The following GDAP1 variants were observed in gnomAD, a reference collection of about 807,000 sequenced individuals.
GDAP1 encodes ganglioside-induced differentiation-associated protein 1.
A neutral mutation model predicts 40.1 loss-of-function variants in GDAP1; 34 were observed. The observed-to-expected ratio is 0.85, with a 90% CI of 0.64 to 1.13. The LOEUF (loss-of-function observed/expected upper bound fraction) is 1.13, where lower values mean the gene tolerates loss of function less well. GDAP1 is among the 50% of genes most tolerant of loss of function. The pLI, the probability that GDAP1 is intolerant of heterozygous loss-of-function variation, is 0.00. For missense variants in GDAP1, 374 were observed against 433.7 expected (o/e 0.86, Z 1.22); for synonymous variants, 170 against 157.4 (o/e 1.08, Z -0.60).
Position 74,364,222 on chromosome 8 carries a change from TG to T in GDAP1, c.934del (p.Ala312ProfsTer36). 1 of 1,614,204 alleles carries T rather than the reference TG, an allele frequency of 6.2e-7. No individual in the cohort carries two copies. Among genetic ancestry groups the T allele is most frequent in the Middle Eastern group, 1.6e-4 (1 of 6,062 alleles). On this transcript the variant is annotated frameshift_variant, in exon 6 of 6. Transcript: ENST00000220822. LOFTEE classifies it high-confidence loss of function. Reference sequence around the variant, plus strand: ...GCAGTGCTGCCAACAGCATTCCGGGTGGCCAAGAAAAGGGCCCCAAAAGTTC... The same window carrying T: ...GCAGTGCTGCCAACAGCATTCCGGGTGCCAAGAAAAGGGCCCCAAAAGTTC... ...ISAVLPTAFRVAKKRAPKVLG... is the reference protein window; with the variant it reads ...ISAVLPTAFRXAKKRAPKVLG...
chr8:74,417,632 C>T (rs1805799889), intron 2 of GDAP1, among the ~76,000 whole-genome samples: 3 of 149,330 alleles, frequency 2.0e-5, no homozygotes. Flanking sequence ...TGGCACACAC[C>T]TGTAAGCCCA....
At chr8:74,483,496 T>G (rs1230741553) in intron 2 of GDAP1, among the ~76,000 whole-genome samples, 1 of 152,088 alleles carries the variant, frequency 6.6e-6, no homozygotes, top group Non-Finnish European at 1.5e-5. Flanking sequence ...TCCTCCTTAT[T>G]AAAGGGTACT....
intron 2 of GDAP1, among the ~76,000 whole-genome samples, chr8:74,440,164 A>G (rs1347363109): frequency 6.6e-6 from 1 of 152,154 alleles, no homozygotes; most frequent in Non-Finnish European, 1.5e-5. Flanking sequence ...CCACTAGAGA[A>G]ATTTTGCATT....
intron 2 of GDAP1, among the ~76,000 whole-genome samples, chr8:74,465,901 T>G (rs1459184643): frequency 1.3e-5 from 2 of 152,200 alleles, no homozygotes; most frequent in Non-Finnish European, 2.9e-5. Flanking sequence ...ACTTGGTATT[T>G]ATTTGTCCTA....
intron 2 of GDAP1, among the ~76,000 whole-genome samples, chr8:74,400,755 C>CA (rs1371785310): frequency 1.3e-5 from 2 of 149,288 alleles, no homozygotes; most frequent in African/African-American, 2.6e-5. Flanking sequence ...CTGGTGGTGA[C>CA]AAAATCTCTC....
In GDAP1 at chr8:74,361,735, T is replaced by C. The variant is rs541643635; in HGVS notation, c.485-149T>C. On this transcript the variant is annotated intron_variant, in intron 3 of 5. Coordinates refer to ENST00000220822, the MANE Select transcript of GDAP1 (RefSeq NM_018972.4). Reference sequence around the variant, plus strand: ...GGTTCCATTTGAAAGGTGAGGAAACTGAGGCATAGACAGGGTAAGCCCAAG... The same window carrying C: ...GGTTCCATTTGAAAGGTGAGGAAACCGAGGCATAGACAGGGTAAGCCCAAG... The C allele has an allele frequency of 4.4e-5, 29 of 653,622 alleles. No homozygotes were observed. The East Asian group carries it at 7.7e-4, about 17-fold the overall frequency. 40.5% of individuals were successfully genotyped at this position (653,622 alleles called of 1,614,324 possible).
chr8:74,396,624 C>T (rs1290241210), intron 2 of GDAP1, among the ~76,000 whole-genome samples: 44 of 151,782 alleles, frequency 2.9e-4, no homozygotes, highest in South Asian at 6.2e-4. Flanking sequence ...TTTGTCCTTG[C>T]GATAGTTTAC....
At position 74,385,972 on chromosome 8, in the gene GDAP1, C is replaced by G. The variant is rs192214428; in HGVS notation, c.165+34651C>G. On this transcript the variant is annotated intron_variant, in intron 2 of 2. Coordinates refer to the GDAP1 transcript ENST00000523640. ...AGCTTTTTTTCATATGTTTATTGGC[C>G]GCATAAATGCCTTCTTTTGAGATCT... Among the ~76,000 whole-genome samples the G allele has an allele frequency of 5.4e-3, 815 of 152,118 alleles. 8 individuals carry two copies. Among genetic ancestry groups the G allele is most frequent in the Non-Finnish European group, 9.0e-3 (613 of 68,002 alleles).
chr8:74,423,812 A>T (rs1383291125), intron 2 of GDAP1, among the ~76,000 whole-genome samples: 1 of 152,104 alleles, frequency 6.6e-6, no homozygotes, highest in Non-Finnish European at 1.5e-5. Flanking sequence ...TTATGCACAC[A>T]CTGCCCCCTC....
chr8:74,477,630 C>G (rs961599240), intron 2 of GDAP1, among the ~76,000 whole-genome samples: 1 of 152,160 alleles, frequency 6.6e-6, no homozygotes, highest in Non-Finnish European at 1.5e-5. Flanking sequence ...GCTTTGTTCT[C>G]TGGCTCCTTA....
At chr8:74,418,844 A>G (rs920272667) in intron 2 of GDAP1, among the ~76,000 whole-genome samples, 1 of 132,218 alleles carries the variant, frequency 7.6e-6, no homozygotes, top group African/African-American at 3.1e-5. Context: ...ATTATAACAA[A>G]CTATTCAATT....
chr8:74,378,072 C>CA (rs1809887073), intron 2 of GDAP1, among the ~76,000 whole-genome samples: 1 of 152,214 alleles, frequency 6.6e-6, no homozygotes, highest in Non-Finnish European at 1.5e-5. Context: ...GAGCCCTGAA[C>CA]TTGTCCTATG....
chr8:74,475,614 G>A (rs1281485532), intron 2 of GDAP1, among the ~76,000 whole-genome samples: 1 of 152,064 alleles, frequency 6.6e-6, no homozygotes, highest in African/African-American at 2.4e-5. Context: ...TTTTAGTCTT[G>A]AATGTTATTT....
At chr8:74,431,711 G>C (rs1453730090) in intron 2 of GDAP1, among the ~76,000 whole-genome samples, 1 of 152,004 alleles carries the variant, frequency 6.6e-6, no homozygotes, top group Non-Finnish European at 1.5e-5. Flanking sequence ...TCGATCTCCT[G>C]ACCTCGTGAT....
rs182645203 is a variant in GDAP1, at chr8:74,365,728, A to G, written c.*1361A>G. On this transcript the variant is annotated 3_prime_UTR_variant, in exon 6 of 6. Coordinates refer to ENST00000220822, the MANE Select transcript of GDAP1 (RefSeq NM_018972.4). ...TTTTTTAATTCTATTTTGATGCTGT[A>G]ATTCCATTTCATGACCTAGTTGTAT... 1 of 454,572 alleles carries G rather than the reference A, an allele frequency of 2.2e-6. No individual in the cohort carries two copies. Among genetic ancestry groups the G allele is most frequent in the East Asian group, 6.9e-5 (1 of 14,398 alleles). 28.2% of individuals were successfully genotyped at this position (454,572 alleles called of 1,614,324 possible).
In GDAP1 at chr8:74,365,621, A is replaced by C. The variant is rs1300124950; in HGVS notation, c.*1254A>C. 2.2e-6 allele frequency: 1 copy of C among 454,378 alleles called. No individual in the cohort carries two copies. The highest frequency in any genetic ancestry group is 4.4e-6 in the Non-Finnish European group (1 of 226,798). 28.1% of individuals were successfully genotyped at this position (454,378 alleles called of 1,614,324 possible). A position where few individuals can be genotyped will look rare whatever the true frequency, so the allele number is the denominator to read the frequency against. ...TGATGTGCCGAGGTCCCAGTGAACA[A>C]CAGTAGCCAAAGAATGTACTAACTT... On this transcript the variant is annotated 3_prime_UTR_variant, in exon 6 of 6. Coordinates refer to ENST00000220822, the MANE Select transcript of GDAP1 (RefSeq NM_018972.4).
chr8:74,356,296 G>A (rs1380721019), intron 2 of GDAP1, among the ~76,000 whole-genome samples: 1 of 152,020 alleles, frequency 6.6e-6, no homozygotes, highest in Non-Finnish European at 1.5e-5. Context: ...AAATTCAGAG[G>A]CCCTCTTTCT....
At chr8:74,352,127 C>T (rs1808905718) in intron 2 of GDAP1, among the ~76,000 whole-genome samples, 2 of 152,134 alleles carry the variant, frequency 1.3e-5, no homozygotes, top group Non-Finnish European at 2.9e-5. Context: ...CAGGGTTGCC[C>T]AAAGTAATAT....
chr8:74,363,384 G>T (rs1809467814), intron 5 of GDAP1, among the ~76,000 whole-genome samples: 2 of 152,080 alleles, frequency 1.3e-5, no homozygotes, highest in Admixed American at 6.6e-5. Context: ...TTTTCCTTAG[G>T]CAGGGAGACA....
Sources: gnomAD v4.1 joint callset for allele counts (sites outside exome capture counted in the v4.1 genomes callset) on GRCh38, gnomAD v4.1.1 for gene constraint, MANE v1.5 for transcripts, NCBI Gene and HGNC (gene_info 2026-07-23, HGNC 2026-07-21) for gene names.